The following BMP2K variants were observed in gnomAD, a reference collection of about 807,000 sequenced individuals.
The protein encoded by BMP2K is BMP-2-inducible protein kinase.
BMP2K carries 74 observed loss-of-function variants against 116.0 expected under a neutral mutation model. The ratio of observed to expected loss-of-function variants is 0.64; its 90% CI spans 0.53 to 0.77. BMP2K has a LOEUF of 0.77. BMP2K is among the 30% of genes least tolerant of loss of function. The probability of loss-of-function intolerance (pLI) is 0.00; values close to 1 mark genes in which losing one functional copy is unlikely to be tolerated. For synonymous variants in BMP2K, 486 were observed against 502.5 expected (o/e 0.97, Z 0.44); for missense variants, 1,365 against 1,403.6 (o/e 0.97, Z 0.44).
Position 78,840,997 on chromosome 4 carries a change from G to A in BMP2K, c.404-1388G>A, listed in dbSNP as rs188578017. On this transcript the variant is annotated intron_variant, in intron 3 of 15. Transcript: ENST00000502613. ...AGCCTGGGTTTAATTAAAAGACAGG[G>A]AGTCTGCCAAATGAGGGAGTGGTGG... Among the ~76,000 whole-genome samples the A allele has an allele frequency of 6.5e-3, 993 of 152,230 alleles. 7 individuals are homozygous for A. The highest frequency in any genetic ancestry group is 9.1e-3 in the Non-Finnish European group (621 of 68,016).
chr4:78,800,265 C>T (rs556751498), intron 1 of BMP2K, among the ~76,000 whole-genome samples: 1 of 152,230 alleles, frequency 6.6e-6, no homozygotes, highest in South Asian at 2.1e-4. Context: ...TCCTATCCTC[C>T]CCTTCTGAAG....
intron 3 of BMP2K, among the ~76,000 whole-genome samples, chr4:78,839,540 TC>T (rs1560523535): frequency 6.6e-6 from 1 of 152,156 alleles, no homozygotes; most frequent in African/African-American, 2.4e-5. Flanking sequence ...AATAATGCAA[TC>T]TACTACAGAT....
intron 15 of BMP2K, among the ~76,000 whole-genome samples, chr4:78,904,486 T>C (rs1430263889): frequency 6.6e-6 from 1 of 151,930 alleles, no homozygotes; most frequent in African/African-American, 2.4e-5. Context: ...TGAGAGACTG[T>C]TTACAAGCCA....
intron 15 of BMP2K, among the ~76,000 whole-genome samples, chr4:78,894,647 G>A (rs1733609260): frequency 6.6e-6 from 1 of 152,184 alleles, no homozygotes; most frequent in Admixed American, 6.5e-5. Flanking sequence ...CAGTAAGGTT[G>A]TTTTCCTTTC....
chr4:78,844,678 T>C (rs1295278999), intron 4 of BMP2K, among the ~76,000 whole-genome samples: 1 of 151,592 alleles, frequency 6.6e-6, no homozygotes, highest in Non-Finnish European at 1.5e-5. Flanking sequence ...ACATAGTATA[T>C]TTTTGCTCCC....
chr4:78,818,527 T>C (rs1327975996), intron 1 of BMP2K, among the ~76,000 whole-genome samples: 1 of 152,226 alleles, frequency 6.6e-6, no homozygotes, highest in Non-Finnish European at 1.5e-5. Context: ...AAAAAAGAGA[T>C]GATCTTAGCC....
intron 15 of BMP2K, among the ~76,000 whole-genome samples, chr4:78,907,244 A>G (rs904130389): frequency 2.0e-5 from 3 of 152,206 alleles, no homozygotes; most frequent in African/African-American, 4.8e-5. Context: ...ACAATTATAA[A>G]TGTGTATTTC....
chr4:78,860,695 C>G (rs1057080722), intron 8 of BMP2K, among the ~76,000 whole-genome samples: 5 of 151,020 alleles, frequency 3.3e-5, no homozygotes, highest in African/African-American at 1.2e-4. Flanking sequence ...CTGGCCTGAC[C>G]TGTTTCTGTA....
intron 11 of BMP2K, among the ~76,000 whole-genome samples, chr4:78,871,383 G>T (rs191802346): frequency 6.6e-6 from 1 of 152,294 alleles, no homozygotes; most frequent in Admixed American, 6.5e-5. Flanking sequence ...TAATGCTATT[G>T]TTGGAAAGGT....
chr4:78,878,322 T>A (rs1732728773), intron 13 of BMP2K, among the ~76,000 whole-genome samples: 1 of 152,186 alleles, frequency 6.6e-6, no homozygotes, highest in South Asian at 2.1e-4. Context: ...GATTTTTTAC[T>A]TTAAGTCTTG....
At chr4:78,797,467 A>T (rs1728354409) in intron 1 of BMP2K, among the ~76,000 whole-genome samples, 1 of 152,196 alleles carries the variant, frequency 6.6e-6, no homozygotes, top group African/African-American at 2.4e-5. Flanking sequence ...TGAATCCCAG[A>T]GATTCAATTC....
In BMP2K at chr4:78,913,298, TTG is replaced by T. The variant is rs1734765811; in HGVS notation, c.*1269_*1270del. The T allele has an allele frequency of 1.3e-5, 2 of 152,184 alleles. No homozygotes were observed. The highest frequency in any genetic ancestry group is 2.1e-4 in the South Asian group (1 of 4,832). 9.4% of individuals were successfully genotyped at this position (152,184 alleles called of 1,614,324 possible). ...CTAGCATCTTAATTCTGCTAGTTGA[TTG>T]TGTCTTTACTGAAAAGAACCCAGCT... is the stretch of plus-strand genomic sequence containing the variant. On this transcript the variant is annotated 3_prime_UTR_variant, in exon 16 of 16. Transcript: ENST00000502613.
intron 1 of BMP2K, among the ~76,000 whole-genome samples, chr4:78,814,299 T>C (rs554180339): frequency 6.6e-6 from 1 of 152,368 alleles, no homozygotes; most frequent in African/African-American, 2.4e-5. Flanking sequence ...TGTCCTATTA[T>C]TATCCATCTT....
At chr4:78,811,987 T>C (rs563497230) in intron 1 of BMP2K, among the ~76,000 whole-genome samples, 1 of 152,324 alleles carries the variant, frequency 6.6e-6, no homozygotes, top group East Asian at 1.9e-4. Context: ...TTTTTGTTTT[T>C]TTAAAGACAG....
chr4:78,814,464 C>G (rs1432902899), intron 1 of BMP2K, among the ~76,000 whole-genome samples: 1 of 152,140 alleles, frequency 6.6e-6, no homozygotes. Flanking sequence ...GGGAGGGACC[C>G]GTTGGGAAGT....
At chr4:78,832,651 T>C (rs578003622) in intron 2 of BMP2K, among the ~76,000 whole-genome samples, 18 of 152,190 alleles carry the variant, frequency 1.2e-4, no homozygotes, top group Admixed American at 6.5e-4. Flanking sequence ...GTACAAGACT[T>C]CTTTCTTCCT....
At chr4:78,801,498 C>A (rs759018488) in intron 1 of BMP2K, among the ~76,000 whole-genome samples, 1 of 152,144 alleles carries the variant, frequency 6.6e-6, no homozygotes, top group South Asian at 2.1e-4. Flanking sequence ...TGTTTTGAGA[C>A]CTTTTTTCTT....
chr4:78,787,094 T>C (rs974676936), intron 1 of BMP2K, among the ~76,000 whole-genome samples: 1 of 152,148 alleles, frequency 6.6e-6, no homozygotes, highest in African/African-American at 2.4e-5. Context: ...GTACTCATGA[T>C]AGTATTGAGT....
At position 78,911,096 on chromosome 4, in the gene BMP2K, C is replaced by G; in HGVS notation, c.2549C>G (p.Thr850Ser). The change falls in exon 16 of 16, where the codon ACT becomes AGT. Residue 850 changes from threonine to serine, a missense_variant. Thr to Ser is a moderately conservative substitution (Grantham distance 58). This residue lies in a region of BMP2K where 596 missense variants were observed against 623.2 expected (regional missense o/e 0.96). Transcript: ENST00000502613. ...TTATCCTCTGATGTTGCAGTGGAGACTCCCAAACAGGAGTTTGATGTATTT... is the reference window on the plus strand; with the variant it reads ...TTATCCTCTGATGTTGCAGTGGAGAGTCCCAAACAGGAGTTTGATGTATTT... ...AQLSSDVAVE[T>S]PKQEFDVFGA... is the part of the protein sequence containing the mutation. 6.2e-7 allele frequency: 1 copy of G among 1,614,010 alleles called. No homozygotes were observed. The highest frequency in any genetic ancestry group is 1.1e-5 in the South Asian group (1 of 91,092).
Sources: allele counts gnomAD v4.1 joint callset (sites outside exome capture counted in the v4.1 genomes callset), GRCh38; gene constraint gnomAD v4.1.1; regional missense constraint gnomAD v4.1.1; transcripts MANE v1.5; gene names NCBI Gene and HGNC (gene_info 2026-07-23, HGNC 2026-07-21).